Variants in PDE4D observed in about 807,000 individuals in gnomAD.
PDE4D encodes the protein phosphodiesterase 4D.
In PDE4D, 24 loss-of-function variants were observed where a neutral mutation model predicts 87.4. That is an observed-to-expected ratio of 0.27 (90% confidence interval 0.20 to 0.39). PDE4D has a LOEUF of 0.39. PDE4D is among the 10% of genes least tolerant of loss of function. The pLI, the probability that PDE4D is intolerant of heterozygous loss-of-function variation, is 1.00. For missense variants in PDE4D, 714 were observed against 1,041.0 expected, an observed-to-expected ratio of 0.69 and a Z score of 4.32; for synonymous variants, 384 against 383.2, an observed-to-expected ratio of 1.00 and a Z score of -0.02.
intron 1 of PDE4D, among the ~76,000 whole-genome samples, chr5:60,457,465 G>A (rs1746564453): frequency 1.3e-5 from 2 of 152,142 alleles, no homozygotes; most frequent in South Asian, 4.1e-4. Flanking sequence ...GCCTTTTGAA[G>A]GATGTTTGGA....
At chr5:59,714,911 A>G (rs2150526520) in intron 1 of PDE4D, among the ~76,000 whole-genome samples, 1 of 152,332 alleles carries the variant, frequency 6.6e-6, no homozygotes, top group Middle Eastern at 3.4e-3. Flanking sequence ...TGGGTAGTTG[A>G]CCAAGGGTGC....
intron 5 of PDE4D, among the ~76,000 whole-genome samples, chr5:59,154,006 G>A (rs1271198722): frequency 2.0e-5 from 3 of 152,158 alleles, no homozygotes; most frequent in Non-Finnish European, 4.4e-5. Context: ...CATGGTGCAC[G>A]TGGGTGGAAA....
chr5:59,379,300 TA>T (rs1785311816), intron 1 of PDE4D, among the ~76,000 whole-genome samples: 1 of 152,166 alleles, frequency 6.6e-6, no homozygotes, highest in African/African-American at 2.4e-5. Context: ...GAATCACACC[TA>T]AAAAAGTGCT....
intron 1 of PDE4D, among the ~76,000 whole-genome samples, chr5:59,357,188 A>G (rs1781517432): frequency 6.6e-6 from 1 of 152,060 alleles, no homozygotes; most frequent in Non-Finnish European, 1.5e-5. Context: ...TGAAAAGCAC[A>G]ACACACACAC....
At position 60,082,646 on chromosome 5, in the gene PDE4D, G is replaced by C. The variant is rs190974333; in HGVS notation, c.43-93929C>G. ...ATTTGTGCTCACAACTCACTGGCTA[G>C]ATCTAGTAGCAGGGCCCCACCCAAA... On this transcript the variant is annotated intron_variant, in intron 2 of 16. Transcript: ENST00000502484. 3.3e-5 allele frequency among the ~76,000 whole-genome samples: 5 copies of C among 152,234 alleles called. No homozygotes were observed. In the East Asian group the frequency reaches 9.7e-4, roughly 29 times the overall value.
At chr5:59,295,127 A>G (rs1232110742) in intron 1 of PDE4D, among the ~76,000 whole-genome samples, 2 of 152,212 alleles carry the variant, frequency 1.3e-5, no homozygotes, top group Non-Finnish European at 2.9e-5. Context: ...AAAGCTTGAC[A>G]AAGCGTCCAT....
At chr5:59,479,656 G>A (rs532006386) in intron 1 of PDE4D, among the ~76,000 whole-genome samples, 1 of 152,148 alleles carries the variant, frequency 6.6e-6, no homozygotes, top group Non-Finnish European at 1.5e-5. Flanking sequence ...TGTAGTAAGA[G>A]TAAGCAGGAT....
At chr5:59,782,526 G>T (rs767093486) in intron 1 of PDE4D, among the ~76,000 whole-genome samples, 1 of 152,114 alleles carries the variant, frequency 6.6e-6, no homozygotes, top group Non-Finnish European at 1.5e-5. Flanking sequence ...CTCTCATTTT[G>T]TCTTAATAGC....
chr5:60,020,427 A>G (rs1393622991), intron 2 of PDE4D, among the ~76,000 whole-genome samples: 1 of 152,188 alleles, frequency 6.6e-6, no homozygotes, highest in Non-Finnish European at 1.5e-5. Context: ...GAAAAAATAA[A>G]ATATCTGTCA....
Position 58,999,569 on chromosome 5 carries a change from G to A in PDE4D, c.922-6104C>T, listed in dbSNP as rs367803230. The A allele has an allele frequency of 1.9e-3, 1,084 of 570,346 alleles. 14 individuals are homozygous for A. The highest frequency in any genetic ancestry group is 0.011 in the South Asian group (182 of 17,084). The allele number at this position is 570,346 out of a possible 1,614,324, so 35.3% of individuals were successfully genotyped here. ...TGATTATATGTATATATATATATAT[G>A]TATATATATAGTAAGCTCTAAAATG... On this transcript the variant is annotated intron_variant, in intron 6 of 14. Transcript: ENST00000340635.
chr5:59,578,096 G>A (rs1319139398), intron 1 of PDE4D, among the ~76,000 whole-genome samples: 3 of 152,064 alleles, frequency 2.0e-5, no homozygotes, highest in Non-Finnish European at 4.4e-5. Context: ...ACCACAGAAA[G>A]GTTCCTATTA....
At chr5:59,803,900 T>G (rs759880780) in intron 1 of PDE4D, among the ~76,000 whole-genome samples, 1 of 152,194 alleles carries the variant, frequency 6.6e-6, no homozygotes, top group African/African-American at 2.4e-5. Context: ...ACAGTAATAT[T>G]AATGCAAACT....
intron 2 of PDE4D, among the ~76,000 whole-genome samples, chr5:60,118,499 T>C (rs1024579694): frequency 2.0e-5 from 3 of 152,008 alleles, no homozygotes; most frequent in African/African-American, 7.2e-5. Flanking sequence ...ATATGGCAGA[T>C]ATACGTCACA....
At position 58,993,580 on chromosome 5, in the gene PDE4D, A is replaced by G. The variant is rs142201090; in HGVS notation, c.922-115T>C. The G allele has an allele frequency of 9.8e-4, 613 of 623,432 alleles. 7 individuals carry two copies. In the East Asian group the frequency reaches 0.018, roughly 19 times the overall value. 38.6% of individuals were successfully genotyped at this position (623,432 alleles called of 1,614,324 possible). On this transcript the variant is annotated intron_variant, in intron 6 of 14. Transcript: ENST00000340635. ...CAAAGAATTTTTAAGTTGTCCTGAC[A>G]ATTTAGAACAGTGCCTTCCAGCAGA...
intron 1 of PDE4D, among the ~76,000 whole-genome samples, chr5:59,805,718 G>A (rs1476856921): frequency 2.6e-5 from 4 of 152,128 alleles, no homozygotes; most frequent in African/African-American, 9.7e-5. Context: ...TTAGTCCTTG[G>A]GATTCTAAAA....
At chr5:59,731,280 T>A (rs1440300673) in intron 1 of PDE4D, among the ~76,000 whole-genome samples, 6 of 152,080 alleles carry the variant, frequency 3.9e-5, no homozygotes, top group Admixed American at 6.6e-5. Context: ...CATCCCTTCC[T>A]ACTTCCTTTC....
chr5:60,380,518 C>T (rs1037608599), intron 1 of PDE4D, among the ~76,000 whole-genome samples: 1 of 152,194 alleles, frequency 6.6e-6, no homozygotes, highest in African/African-American at 2.4e-5. Context: ...ATGTCCCGAT[C>T]AGGGCTGTTC....
chr5:59,750,979 A>G (rs1003320398), intron 1 of PDE4D, among the ~76,000 whole-genome samples: 1 of 150,736 alleles, frequency 6.6e-6, no homozygotes. Flanking sequence ...GTATGCCCCA[A>G]TGTATGGAAG....
At chr5:59,036,937 A>G (rs1171934593) in intron 6 of PDE4D, among the ~76,000 whole-genome samples, 2 of 152,156 alleles carry the variant, frequency 1.3e-5, no homozygotes, top group African/African-American at 2.4e-5. Flanking sequence ...TTTTAACCAA[A>G]CAGACCAACC....
Sources: allele counts gnomAD v4.1 joint callset (sites outside exome capture counted in the v4.1 genomes callset), GRCh38; gene constraint gnomAD v4.1.1; transcripts MANE v1.5; gene names NCBI Gene and HGNC (gene_info 2026-07-23, HGNC 2026-07-21).